The following HHLA2 variants were observed in gnomAD, a reference collection of about 807,000 sequenced individuals.
HHLA2 encodes HHLA2 member of B7 family, also known as HERV-H LTR-associating protein 2.
In HHLA2, 48 loss-of-function variants were observed where a neutral mutation model predicts 45.9. The observed-to-expected ratio is 1.05, with a 90% CI of 0.83 to 1.33. The LOEUF (loss-of-function observed/expected upper bound fraction) is 1.33. HHLA2 is among the 40% of genes most tolerant of loss of function. HHLA2 has a pLI of 0.00. For missense variants in HHLA2, 462 were observed against 494.3 expected, an observed-to-expected ratio of 0.93 and a Z score of 0.62; for synonymous variants, 161 against 173.9, an observed-to-expected ratio of 0.93 and a Z score of 0.59.
At chr3:108,329,770 C>T (rs904157830) in intron 3 of HHLA2, among the ~76,000 whole-genome samples, 11 of 152,150 alleles carry the variant, frequency 7.2e-5, no homozygotes, top group African/African-American at 2.7e-4. Context: ...GGAAGAGGGA[C>T]ACAGGCATCT....
At chr3:108,357,386 G>A (rs2081912236) in intron 6 of HHLA2, among the ~76,000 whole-genome samples, 1 of 152,186 alleles carries the variant, frequency 6.6e-6, no homozygotes, top group Non-Finnish European at 1.5e-5. Context: ...AAGAAAAAGA[G>A]ATTTTGTCTA....
In HHLA2 at chr3:108,348,599, A is replaced by G. The variant is rs574804902; in HGVS notation, c.-26-3189A>G. Among the ~76,000 whole-genome samples, 180 of 152,078 alleles carry G rather than the reference A, an allele frequency of 1.2e-3. 2 individuals are homozygous for G. Among genetic ancestry groups the G allele is most frequent in the African/African-American group, 4.2e-3 (174 of 41,498 alleles). ...TAGAATTGATTCAGGAGAGAGAGAG[A>G]GATCCTGATGATGTAGTAGAAAGGA... On this transcript the variant is annotated intron_variant, in intron 3 of 10. Coordinates refer to ENST00000619531, the Ensembl canonical transcript of HHLA2.
intron 7 of HHLA2, among the ~76,000 whole-genome samples, chr3:108,361,430 GT>G (rs1178920678): frequency 6.6e-6 from 1 of 152,090 alleles, no homozygotes; most frequent in Non-Finnish European, 1.5e-5. Flanking sequence ...TGATATCGCA[GT>G]GCTTGTGATC....
intron 2 of HHLA2, among the ~76,000 whole-genome samples, chr3:108,319,205 T>C (rs1380659152): frequency 6.6e-6 from 1 of 151,148 alleles, no homozygotes. Flanking sequence ...TGATAGCTAG[T>C]AAAATACTTT....
At chr3:108,362,571 AC>A in intron 8 of HHLA2, 125 bp downstream of exon 7, 1 of 678,974 alleles carries the variant, frequency 1.5e-6, no homozygotes, top group Non-Finnish European at 2.5e-6. Context: ...AATGTCATTC[AC>A]AAAATTCACC....
intron 3 of HHLA2, among the ~76,000 whole-genome samples, chr3:108,329,191 A>G (rs1001385825): frequency 6.6e-6 from 1 of 152,202 alleles, no homozygotes; most frequent in Non-Finnish European, 1.5e-5. Context: ...AGAAAGTGCC[A>G]CAGGAGCTTT....
At chr3:108,316,765 C>T (rs1212501911) in intron 2 of HHLA2, among the ~76,000 whole-genome samples, 3 of 152,128 alleles carry the variant, frequency 2.0e-5, no homozygotes, top group African/African-American at 4.8e-5. Flanking sequence ...CTTACTAAAT[C>T]GCACGCTTTA....
rs968369602 is a variant in HHLA2 at position 108,376,558 on chromosome 3, G to T, written c.1224+1G>T. 2 of 1,611,504 alleles carry T rather than the reference G, an allele frequency of 1.2e-6. No homozygotes were observed. The highest frequency in any genetic ancestry group is 1.7e-6 in the Non-Finnish European group (2 of 1,178,258). ...ACCCGATAATGGCGAAGAAAATGTG[G>T]TAAGGCATTATTTCCTTTATCAAAC... is the stretch of plus-strand genomic sequence containing the variant. On this transcript the variant is annotated splice_donor_variant, in intron 10 of 10. Transcript: ENST00000619531. LOFTEE classifies it high-confidence loss of function.
At chr3:108,297,062 A>G (rs2080772665) in intron 1 of HHLA2, among the ~76,000 whole-genome samples, 1 of 152,232 alleles carries the variant, frequency 6.6e-6, no homozygotes, top group South Asian at 2.1e-4. Flanking sequence ...TAGCAGAAGA[A>G]TCGTGATCTT....
Position 108,357,888 on chromosome 3 carries a change from C to T in HHLA2, c.730C>T (p.Gln244Ter), listed in dbSNP as rs749030163. The T allele has an allele frequency of 1.9e-6, 3 of 1,613,690 alleles. No individual in the cohort carries two copies. Among genetic ancestry groups the T allele is most frequent in the Admixed American group, 3.3e-5 (2 of 59,988 alleles). Residue 244 changes from glutamine (Q) to a stop codon, truncating the protein, a stop_gained, in exon 7 of 11, where the codon CAA becomes TAA. Transcript: ENST00000619531. LOFTEE classifies it high-confidence loss of function. ...AAGTGAACACGTTTCACTCTCATGT[C>T]AACCTGTAAATGATTATTTTTCACC...
intron 3 of HHLA2, among the ~76,000 whole-genome samples, chr3:108,341,375 T>C (rs1307879052): frequency 4.6e-5 from 7 of 152,234 alleles, no homozygotes; most frequent in Admixed American, 2.0e-4. Context: ...ATGTGGTTTT[T>C]CTGTCAGAAA....
intron 3 of HHLA2, 96 bp from the exon 3 acceptor site, chr3:108,351,692 G>T (rs1275112883): frequency 7.4e-6 from 5 of 678,542 alleles, no homozygotes; most frequent in South Asian, 2.1e-5. Flanking sequence ...ATATTTAATG[G>T]CCACAAAACA....
intron 2 of HHLA2, among the ~76,000 whole-genome samples, 164 bp downstream of exon 2, chr3:108,310,905 C>T (rs765977420): frequency 6.6e-6 from 1 of 152,096 alleles, no homozygotes; most frequent in African/African-American, 2.4e-5. Flanking sequence ...ATTTCTTGCA[C>T]AAGAAATAGT....
rs377442841 is a variant in HHLA2, at chr3:108,368,979, T to A, written c.1108+6533T>A. Among the ~76,000 whole-genome samples the A allele has an allele frequency of 9.2e-5, 14 of 152,280 alleles. No homozygotes were observed. In the East Asian group the frequency reaches 2.7e-3, roughly 29 times the overall value. On this transcript the variant is annotated intron_variant, in intron 8 of 10. Coordinates refer to ENST00000619531, the Ensembl canonical transcript of HHLA2. ...CTAAAATCGACCACATAATTGGAAG[T>A]AAGGCACTCCTTAGCAAATGAAAAG...
At chr3:108,321,390 T>C (rs942092429) in intron 2 of HHLA2, among the ~76,000 whole-genome samples, 1 of 152,208 alleles carries the variant, frequency 6.6e-6, no homozygotes, top group Admixed American at 6.5e-5. Flanking sequence ...TTTGAGATAG[T>C]GCATGTCTGA....
At chr3:108,326,591 A>G (rs2081293254) in intron 2 of HHLA2, 1 of 152,230 alleles carries the variant, frequency 6.6e-6, no homozygotes, top group Non-Finnish European at 1.5e-5. Flanking sequence ...ATCATATAAG[A>G]TGGCTTTGCA....
intron 2 of HHLA2, among the ~76,000 whole-genome samples, chr3:108,324,738 T>C (rs988127604): frequency 1.3e-5 from 2 of 152,210 alleles, no homozygotes; most frequent in Non-Finnish European, 2.9e-5. Flanking sequence ...GTAGGAGTTA[T>C]TTTGTGTCTG....
chr3:108,367,897 C>A (rs1476322659), intron 8 of HHLA2, among the ~76,000 whole-genome samples: 1 of 152,120 alleles, frequency 6.6e-6, no homozygotes, highest in Non-Finnish European at 1.5e-5. Flanking sequence ...CCCCAAGACA[C>A]ATAATTGTCA....
At chr3:108,368,874 G>A (rs892439342) in intron 8 of HHLA2, among the ~76,000 whole-genome samples, 14 of 152,022 alleles carry the variant, frequency 9.2e-5, no homozygotes, top group Admixed American at 2.0e-4. Flanking sequence ...TGGACTAAGC[G>A]GACCTAATGG....
Sources: gnomAD v4.1 joint callset for allele counts (sites outside exome capture counted in the v4.1 genomes callset) on GRCh38, gnomAD v4.1.1 for gene constraint, MANE v1.5 for transcripts, NCBI Gene and HGNC (gene_info 2026-07-23, HGNC 2026-07-21) for gene names.